The following PTPRD variants were observed in gnomAD, a reference collection of about 807,000 sequenced individuals.
PTPRD encodes the protein receptor-type tyrosine-protein phosphatase delta.
PTPRD carries 34 observed loss-of-function variants against 214.5 expected under a neutral mutation model. That is an observed-to-expected ratio of 0.16 (90% CI 0.12 to 0.21). The LOEUF (loss-of-function observed/expected upper bound fraction) is 0.21, where lower values mean the gene tolerates loss of function less well. Ranked by LOEUF, PTPRD falls within the 10% of genes least tolerant of loss-of-function variation. The pLI is 1.00. For missense variants in PTPRD, 2,545 were observed against 2,398.7 expected, an observed-to-expected ratio of 1.06 and a Z score of -1.27; for synonymous variants, 1,128 against 845.7, an observed-to-expected ratio of 1.33 and a Z score of -5.79.
intron 3 of PTPRD, among the ~76,000 whole-genome samples, chr9:10,241,665 C>G (rs1042412725): frequency 1.3e-5 from 2 of 151,810 alleles, no homozygotes; most frequent in African/African-American, 4.8e-5. Flanking sequence ...AAAAGTAGAT[C>G]GGTGTTTTTC....
chr9:8,579,249 T>C (rs1228685806), intron 14 of PTPRD, among the ~76,000 whole-genome samples: 2 of 152,248 alleles, frequency 1.3e-5, no homozygotes, highest in African/African-American at 2.4e-5. Context: ...CCATAGCTTA[T>C]TCTTCATAAT....
chr9:9,035,337 GA>G (rs1349295321), intron 10 of PTPRD, among the ~76,000 whole-genome samples: 1 of 151,934 alleles, frequency 6.6e-6, no homozygotes, highest in Admixed American at 6.6e-5. Flanking sequence ...CTGTCTTTTT[GA>G]AATGTATCTT....
At chr9:10,351,313 C>A (rs1336082396) in intron 2 of PTPRD, among the ~76,000 whole-genome samples, 4 of 151,958 alleles carry the variant, frequency 2.6e-5, no homozygotes, top group Non-Finnish European at 5.9e-5. Flanking sequence ...AATAGCTGAA[C>A]CCTGTCTTTT....
intron 12 of PTPRD, among the ~76,000 whole-genome samples, chr9:8,688,956 G>A (rs148236782): frequency 0.012 from 1,886 of 152,260 alleles, 24 homozygotes; most frequent in South Asian, 0.05. Context: ...GAATGCATTT[G>A]AAGAATGTTC....
intron 11 of PTPRD, among the ~76,000 whole-genome samples, chr9:9,018,187 T>A (rs567706050): frequency 2.6e-5 from 4 of 152,214 alleles, no homozygotes; most frequent in Admixed American, 1.3e-4. Flanking sequence ...ACACATCTCA[T>A]TCCACTATTG....
chr9:9,271,313 C>T (rs533790963), intron 9 of PTPRD, among the ~76,000 whole-genome samples: 10 of 150,444 alleles, frequency 6.6e-5, no homozygotes, highest in Non-Finnish European at 1.2e-4. Flanking sequence ...TGTGAACTTT[C>T]TCATCTTTCT....
Position 8,500,839 on chromosome 9 carries a change from A to G in PTPRD, c.2043T>C (p.Thr681=), listed in dbSNP as rs1468913085. Reference sequence around the variant, plus strand: ...GGGCTGTCACAGTGATCCGGTATTCAGTCCATTTTTCCAGCTGTTCCAAAA... The same window carrying G: ...GGGCTGTCACAGTGATCCGGTATTCGGTCCATTTTTCCAGCTGTTCCAAAA... ...KYLLEQLEKW[T]EYRITVTAHT... The change falls in exon 24 of 46, where the codon ACT becomes ACC. Residue 681 remains threonine, a synonymous_variant. Coordinates refer to ENST00000381196, the MANE Select transcript of PTPRD (RefSeq NM_002839.4). The G allele has an allele frequency of 6.2e-7, 1 of 1,614,192 alleles. No homozygotes were observed. Among genetic ancestry groups the G allele is most frequent in the East Asian group, 2.2e-5 (1 of 44,876 alleles).
chr9:8,428,410 G>A (rs1377777039), intron 35 of PTPRD, among the ~76,000 whole-genome samples: 3 of 152,046 alleles, frequency 2.0e-5, no homozygotes, highest in East Asian at 3.8e-4. Context: ...TCACAAAATC[G>A]CTCATTTTTC....
intron 2 of PTPRD, among the ~76,000 whole-genome samples, chr9:10,493,551 G>C (rs2041070948): frequency 6.6e-6 from 1 of 152,088 alleles, no homozygotes; most frequent in South Asian, 2.1e-4. Flanking sequence ...GCCATATGCA[G>C]AAAACTGAAA....
chr9:8,397,070 G>A (rs2091362827), intron 36 of PTPRD, among the ~76,000 whole-genome samples: 1 of 152,152 alleles, frequency 6.6e-6, no homozygotes, highest in African/African-American at 2.4e-5. Context: ...ATGCTCTGAA[G>A]AGTGTGAGAA....
At chr9:10,195,465 G>A (rs540033551) in intron 3 of PTPRD, among the ~76,000 whole-genome samples, 234 of 152,214 alleles carry the variant, frequency 1.5e-3, no homozygotes, top group Non-Finnish European at 2.7e-3. Context: ...CCAATGAGAT[G>A]TGAGAAATAT....
chr9:10,163,094 T>G (rs1240101468), intron 3 of PTPRD, among the ~76,000 whole-genome samples: 2 of 150,892 alleles, frequency 1.3e-5, no homozygotes, highest in Non-Finnish European at 3.0e-5. Context: ...GAAATAAACT[T>G]TAAATGTGAT....
intron 10 of PTPRD, among the ~76,000 whole-genome samples, chr9:9,139,536 T>C (rs576357595): frequency 2.0e-5 from 3 of 152,248 alleles, no homozygotes; most frequent in Admixed American, 6.5e-5. Flanking sequence ...ACATGCTCTG[T>C]GATACCGCGA....
chr9:8,731,826 G>C (rs544770887), intron 12 of PTPRD, among the ~76,000 whole-genome samples: 1 of 152,180 alleles, frequency 6.6e-6, no homozygotes, highest in Non-Finnish European at 1.5e-5. Flanking sequence ...TCTGTGAAAA[G>C]GAAAATATAC....
rs1357064112 is a variant in PTPRD, at chr9:8,947,041, TTG to T, written c.-104+71654_-104+71655del. 7.8e-3 allele frequency among the ~76,000 whole-genome samples: 1,166 copies of T among 149,832 alleles called. 10 individuals carry two copies. The highest frequency in any genetic ancestry group is 0.028 in the African/African-American group (1,118 of 40,590). Reference sequence around the variant, plus strand: ...TTTTTTTTCTTTTCTTTTTTTTTTTTTGTGTGTGTGTCTCGATCTTCCTCCGG... The same window carrying T: ...TTTTTTTTCTTTTCTTTTTTTTTTTTTGTGTGTGTCTCGATCTTCCTCCGG... On this transcript the variant is annotated intron_variant, in intron 11 of 45. Coordinates refer to ENST00000381196, the MANE Select transcript of PTPRD (RefSeq NM_002839.4).
chr9:9,584,359 C>CTTATTATTATATTATT (rs1554649145), intron 7 of PTPRD, among the ~76,000 whole-genome samples: 2 of 149,146 alleles, frequency 1.3e-5, no homozygotes, highest in South Asian at 4.2e-4. Context: ...ATTTCATCAC[C>CTTATTATTATATTATT]ATTATTATTA....
chr9:8,921,359 G>T (rs2098826686), intron 11 of PTPRD, among the ~76,000 whole-genome samples: 2 of 152,102 alleles, frequency 1.3e-5, no homozygotes, highest in South Asian at 4.1e-4. Flanking sequence ...ACTATCCAAT[G>T]ATTATTGTGC....
At chr9:9,169,900 G>C (rs1250367688) in intron 10 of PTPRD, among the ~76,000 whole-genome samples, 1 of 152,140 alleles carries the variant, frequency 6.6e-6, no homozygotes, top group Non-Finnish European at 1.5e-5. Flanking sequence ...TCAGCCAACA[G>C]TTTTAGGAAA....
At chr9:9,265,233 G>A (rs1938743440) in intron 9 of PTPRD, among the ~76,000 whole-genome samples, 1 of 151,476 alleles carries the variant, frequency 6.6e-6, no homozygotes, top group Non-Finnish European at 1.5e-5. Context: ...CAATAACTTG[G>A]TAATGAATAT....
Sources: gnomAD v4.1 joint callset for allele counts (sites outside exome capture counted in the v4.1 genomes callset) on GRCh38, gnomAD v4.1.1 for gene constraint, MANE v1.5 for transcripts, NCBI Gene and HGNC (gene_info 2026-07-23, HGNC 2026-07-21) for gene names.